Variants in CTIF observed in about 807,000 individuals in gnomAD.
The protein encoded by CTIF is CBP80/20-dependent translation initiation factor.
A neutral mutation model predicts 66.0 loss-of-function variants in CTIF; 21 were observed. The observed-to-expected ratio is 0.32, with a 90% CI of 0.23 to 0.46. The LOEUF (loss-of-function observed/expected upper bound fraction) is 0.46, where lower values mean the gene tolerates loss of function less well. CTIF is among the 20% of genes least tolerant of loss of function. The pLI, the probability that CTIF is intolerant of heterozygous loss-of-function variation, is 1.00. For missense variants in CTIF, 739 were observed against 812.7 expected (o/e 0.91, Z 1.10); for synonymous variants, 345 against 326.4 (o/e 1.06, Z -0.62).
At chr18:48,725,742 G>A (rs1220912812) in intron 7 of CTIF, among the ~76,000 whole-genome samples, 1 of 152,112 alleles carries the variant, frequency 6.6e-6, no homozygotes, top group Non-Finnish European at 1.5e-5. Context: ...TTTAGTTTCT[G>A]GCACACTGAG....
intron 9 of CTIF, among the ~76,000 whole-genome samples, chr18:48,779,902 G>T (rs571540027): frequency 6.6e-6 from 1 of 152,342 alleles, no homozygotes; most frequent in East Asian, 1.9e-4. Context: ...GCTGGAGGCT[G>T]CAGCTCTGGG....
chr18:48,695,558 C>T (rs1386688982), intron 6 of CTIF, among the ~76,000 whole-genome samples: 1 of 152,216 alleles, frequency 6.6e-6, no homozygotes, highest in African/African-American at 2.4e-5. Context: ...TTACTTGCTG[C>T]ATTTCTTTAG....
At position 48,619,776 on chromosome 18, in the gene CTIF, G is replaced by C. The variant is rs537346191; in HGVS notation, c.180+31G>C. 1,635 of 1,489,722 alleles carry C rather than the reference G, an allele frequency of 1.1e-3. 11 individuals are homozygous for C. The highest frequency in any genetic ancestry group is 8.4e-3 in the South Asian group (616 of 73,548). 92.3% of individuals were successfully genotyped at this position (1,489,722 alleles called of 1,614,324 possible). On this transcript the variant is annotated intron_variant, in intron 2 of 11. Transcript: ENST00000256413. Reference sequence around the variant, plus strand: ...CGCGGGCCCGGGGTTGGGGCAGCTTGGGAAATTCAGAGGGGGTGATGCAGG... The same window carrying C: ...CGCGGGCCCGGGGTTGGGGCAGCTTCGGAAATTCAGAGGGGGTGATGCAGG...
chr18:48,616,986 A>G (rs904360832), intron 1 of CTIF, among the ~76,000 whole-genome samples: 1 of 152,236 alleles, frequency 6.6e-6, no homozygotes, highest in African/African-American at 2.4e-5. Context: ...AGCATTCATT[A>G]TCTCACAGTT....
intron 5 of CTIF, among the ~76,000 whole-genome samples, chr18:48,669,657 A>T (rs1199429994): frequency 6.6e-6 from 1 of 151,426 alleles, no homozygotes; most frequent in East Asian, 1.9e-4. Flanking sequence ...TATTTATTTT[A>T]ATTTTGTTAT....
intron 9 of CTIF, among the ~76,000 whole-genome samples, chr18:48,807,996 T>C (rs548734034): frequency 2.0e-5 from 3 of 152,314 alleles, no homozygotes; most frequent in East Asian, 3.9e-4. Context: ...TTTTCTAATA[T>C]TTTAAATTGT....
At chr18:48,771,935 G>A (rs1910176217) in intron 9 of CTIF, among the ~76,000 whole-genome samples, 1 of 152,260 alleles carries the variant, frequency 6.6e-6, no homozygotes, top group African/African-American at 2.4e-5. Flanking sequence ...CCGCTGGAAA[G>A]CTGGCACCGC....
intron 11 of CTIF, among the ~76,000 whole-genome samples, chr18:48,858,661 G>C (rs1327525321): frequency 1.3e-5 from 2 of 152,158 alleles, no homozygotes; most frequent in East Asian, 3.8e-4. Flanking sequence ...GCACTGGCCA[G>C]GGGTGTGCTG....
At chr18:48,851,215 G>A (rs1184273091) in intron 10 of CTIF, among the ~76,000 whole-genome samples, 2 of 152,218 alleles carry the variant, frequency 1.3e-5, no homozygotes, top group Admixed American at 6.5e-5. Context: ...GCCTGCCTGC[G>A]GGGAGTTTGG....
intron 3 of CTIF, among the ~76,000 whole-genome samples, chr18:48,643,377 C>A (rs909377869): frequency 6.6e-6 from 1 of 152,134 alleles, no homozygotes; most frequent in Non-Finnish European, 1.5e-5. Flanking sequence ...ACCAAAAGGG[C>A]ATGATCTAAT....
intron 6 of CTIF, among the ~76,000 whole-genome samples, chr18:48,686,458 G>A (rs965199341): frequency 2.0e-5 from 3 of 152,132 alleles, no homozygotes; most frequent in Non-Finnish European, 4.4e-5. Flanking sequence ...TATCTAAGGA[G>A]CCCTGGTACC....
In CTIF at chr18:48,862,211, G is replaced by C. The variant is rs1291796496; in HGVS notation, c.*2652G>C. On this transcript the variant is annotated 3_prime_UTR_variant, in exon 12 of 12. Coordinates refer to ENST00000256413, the MANE Select transcript of CTIF (RefSeq NM_014772.3). ...ATCCCCTCTCTGTGGCATGAGGAAG[G>C]CCGCGTCCGAGTTGACCTCTGAATG... The C allele has an allele frequency of 1.3e-5, 2 of 152,214 alleles. No homozygotes were observed. The highest frequency in any genetic ancestry group is 2.4e-5 in the African/African-American group (1 of 41,436). The allele number at this position is 152,214 out of a possible 1,614,324, so 9.4% of individuals were successfully genotyped here.
intron 1 of CTIF, among the ~76,000 whole-genome samples, chr18:48,548,928 G>A (rs937504211): frequency 6.6e-6 from 1 of 152,204 alleles, no homozygotes; most frequent in Non-Finnish European, 1.5e-5. Flanking sequence ...AAGGTGGTAA[G>A]TATGGGGTCA....
chr18:48,821,247 G>A lies in CTIF; in HGVS notation c.1527+3871G>A, dbSNP rs184792400. On this transcript the variant is annotated intron_variant, in intron 10 of 11. Coordinates refer to ENST00000256413, the MANE Select transcript of CTIF (RefSeq NM_014772.3). ...TCCATCCTCACCCCAGCCTCTTCAC[G>A]TTGCCTTGTAGTAGTGTTCAGTAAC... Among the ~76,000 whole-genome samples, 109 of 152,338 alleles carry A rather than the reference G, an allele frequency of 7.2e-4. 2 individuals are homozygous for A. The highest frequency in any genetic ancestry group is 1.1e-3 in the Non-Finnish European group (78 of 68,040).
intron 9 of CTIF, among the ~76,000 whole-genome samples, chr18:48,768,949 A>C (rs891269459): frequency 2.0e-5 from 3 of 152,182 alleles, no homozygotes; most frequent in Admixed American, 2.0e-4. Context: ...GGATTTCAAA[A>C]TCCACCCTGT....
chr18:48,610,633 G>C (rs956937052), intron 1 of CTIF, among the ~76,000 whole-genome samples: 28 of 152,198 alleles, frequency 1.8e-4, no homozygotes, highest in African/African-American at 6.5e-4. Flanking sequence ...CCCCCATTCT[G>C]GGTGCCAGCA....
At chr18:48,592,492 T>C (rs1366111493) in intron 1 of CTIF, among the ~76,000 whole-genome samples, 2 of 140,142 alleles carry the variant, frequency 1.4e-5, no homozygotes, top group African/African-American at 5.4e-5. Flanking sequence ...AGTGAAACCC[T>C]GTCTCAAAAA....
chr18:48,682,481 C>T (rs554140488), intron 6 of CTIF, among the ~76,000 whole-genome samples: 32 of 152,280 alleles, frequency 2.1e-4, no homozygotes, highest in Non-Finnish European at 3.2e-4. Context: ...TTTTAACAAG[C>T]CCTCTGTGAT....
intron 6 of CTIF, among the ~76,000 whole-genome samples, chr18:48,684,080 G>A (rs1202413690): frequency 2.6e-5 from 4 of 152,330 alleles, no homozygotes; most frequent in Admixed American, 2.0e-4. Flanking sequence ...AATGACCTCA[G>A]TAGCCACTTG....
Sources: gnomAD v4.1 joint callset for allele counts (sites outside exome capture counted in the v4.1 genomes callset) on GRCh38, gnomAD v4.1.1 for gene constraint, MANE v1.5 for transcripts, NCBI Gene and HGNC (gene_info 2026-07-23, HGNC 2026-07-21) for gene names.